RANBP2: variants seen among roughly 807,000 people sequenced by gnomAD.
RANBP2 encodes the protein RAN binding protein 2, also known as E3 SUMO-protein ligase RanBP2.
Under a neutral mutation model 303.6 loss-of-function variants are expected in RANBP2, and 57 were observed. The ratio of observed to expected loss-of-function variants is 0.19; its 90% CI spans 0.15 to 0.23. The LOEUF (loss-of-function observed/expected upper bound fraction) is 0.23, where lower values mean the gene tolerates loss of function less well. RANBP2 is among the 10% of genes least tolerant of loss of function. RANBP2 has a pLI of 1.00. For synonymous variants in RANBP2, 1,167 were observed against 1,301.5 expected, an observed-to-expected ratio of 0.90 and a Z score of 2.23; for missense variants, 3,138 against 3,780.8, an observed-to-expected ratio of 0.83 and a Z score of 4.46.
chr2:108,807,820 G>T, the RANBP2 span, among the ~76,000 whole-genome samples: 1 of 152,176 alleles, frequency 6.6e-6, no homozygotes, highest in Admixed American at 6.5e-5. Context: ...GTTTCACCAT[G>T]TTGGCCAGGG....
the RANBP2 span, among the ~76,000 whole-genome samples, chr2:109,054,471 CCGAGGTGGGCAGATCA>C: frequency 4.3e-4 from 65 of 152,100 alleles, no homozygotes; most frequent in African/African-American, 1.5e-3. Context: ...TTTTGGGAGG[CCGAGGTGGGCAGATCA>C]CGAGGTCAAG....
chr2:109,143,702 C>T, the RANBP2 span, among the ~76,000 whole-genome samples: 2 of 151,892 alleles, frequency 1.3e-5, no homozygotes, highest in East Asian at 1.9e-4. Flanking sequence ...TGCAGTGAGC[C>T]GTGATCGCAC....
the RANBP2 span, among the ~76,000 whole-genome samples, chr2:109,499,771 A>G: frequency 6.6e-6 from 1 of 151,788 alleles, no homozygotes; most frequent in Non-Finnish European, 1.5e-5. Flanking sequence ...GTGTGTGTGT[A>G]TGTGTGTGTG....
the RANBP2 span, among the ~76,000 whole-genome samples, chr2:109,607,796 TAGGG>T: frequency 6.6e-6 from 1 of 152,124 alleles, no homozygotes; most frequent in African/African-American, 2.4e-5. Context: ...TGTTCACCCC[TAGGG>T]AAACTCTGAC....
the RANBP2 span, among the ~76,000 whole-genome samples, chr2:108,826,296 A>G: frequency 1.4e-3 from 209 of 152,208 alleles, 3 homozygotes; most frequent in South Asian, 0.023. Flanking sequence ...CTTTGCTTGT[A>G]TGTTTTGCAT....
At chr2:109,687,527 T>A in the RANBP2 span, among the ~76,000 whole-genome samples, 1 of 152,128 alleles carries the variant, frequency 6.6e-6, no homozygotes, top group Non-Finnish European at 1.5e-5. Context: ...CACCACAAGT[T>A]CAACCTAGCC....
chr2:108,822,559 A>T, the RANBP2 span, among the ~76,000 whole-genome samples: 1 of 152,230 alleles, frequency 6.6e-6, no homozygotes, highest in African/African-American at 2.4e-5. Flanking sequence ...GTTTGGCCAC[A>T]AAACAAGTCT....
the RANBP2 span, among the ~76,000 whole-genome samples, chr2:109,081,250 GGGA>G: frequency 3.3e-5 from 5 of 152,120 alleles, no homozygotes; most frequent in African/African-American, 1.2e-4. Context: ...CATTACCTGT[GGGA>G]AATTGGCTCC....
chr2:109,323,180 G>A, the RANBP2 span, among the ~76,000 whole-genome samples: 1 of 152,228 alleles, frequency 6.6e-6, no homozygotes, highest in Non-Finnish European at 1.5e-5. Flanking sequence ...GGAAGGGGAG[G>A]TGTGTATTTC....
At chr2:109,244,283 A>G in the RANBP2 span, among the ~76,000 whole-genome samples, 1 of 152,236 alleles carries the variant, frequency 6.6e-6, no homozygotes, top group African/African-American at 2.4e-5. Context: ...AGCATTATGC[A>G]ACAGCTTCTT....
chr2:108,834,696 A>G, the RANBP2 span, among the ~76,000 whole-genome samples: 3 of 152,174 alleles, frequency 2.0e-5, no homozygotes, highest in Admixed American at 6.5e-5. Flanking sequence ...CATCGCTATC[A>G]ATTTCAAGAA....
At chr2:108,986,386 G>C in the RANBP2 span, among the ~76,000 whole-genome samples, 3 of 152,156 alleles carry the variant, frequency 2.0e-5, no homozygotes, top group African/African-American at 7.2e-5. Flanking sequence ...ACAGGAGGGG[G>C]AGTGTTTGCT....
the RANBP2 span, among the ~76,000 whole-genome samples, chr2:109,513,649 C>T: frequency 1.3e-5 from 2 of 152,340 alleles, no homozygotes; most frequent in South Asian, 2.1e-4. Flanking sequence ...TTTGCACACA[C>T]ACCCTTCTCC....
the RANBP2 span, among the ~76,000 whole-genome samples, chr2:109,226,847 C>T: frequency 6.6e-6 from 1 of 152,172 alleles, no homozygotes; most frequent in Non-Finnish European, 1.5e-5. Context: ...CCTACAGCTG[C>T]AGGAGAGAAA....
the RANBP2 span, among the ~76,000 whole-genome samples, chr2:108,825,746 T>A: frequency 6.6e-6 from 1 of 152,338 alleles, no homozygotes; most frequent in East Asian, 1.9e-4. Flanking sequence ...TTATGAATGG[T>A]GTTGCTATGA....
At chr2:108,882,047 G>A in the RANBP2 span, 4 of 152,182 alleles carry the variant, frequency 2.6e-5, no homozygotes, top group African/African-American at 9.7e-5. Context: ...CTAGCAACTC[G>A]AGAAGCTGAG....
the RANBP2 span, among the ~76,000 whole-genome samples, chr2:109,073,931 A>G: frequency 3.1e-3 from 470 of 150,840 alleles, 30 homozygotes; most frequent in Non-Finnish European, 4.2e-3. Flanking sequence ...TATAGAAATG[A>G]CACAAAAGAA....
the RANBP2 span, chr2:109,129,148 G>T: frequency 2.5e-6 from 1 of 402,070 alleles, no homozygotes; most frequent in Non-Finnish European, 4.8e-6. Flanking sequence ...GGACCTGGCC[G>T]GCCGCTGCCC....
At chr2:109,468,518 C>T in the RANBP2 span, among the ~76,000 whole-genome samples, 6 of 152,088 alleles carry the variant, frequency 3.9e-5, no homozygotes, top group African/African-American at 9.7e-5. Context: ...TGTTTCCATG[C>T]GCCTGGCAAG....
Sources: allele counts gnomAD v4.1 joint callset (sites outside exome capture counted in the v4.1 genomes callset), GRCh38; gene constraint gnomAD v4.1.1; transcripts MANE v1.5; gene names NCBI Gene and HGNC (gene_info 2026-07-23, HGNC 2026-07-21).